Variants in ENTREP2 observed in about 807,000 individuals in gnomAD.
The protein encoded by ENTREP2 is endosomal transmembrane epsin interactor 2, also known as protein ENTREP2.
At chr15:29,259,170 G>A in the ENTREP2 span, among the ~76,000 whole-genome samples, 87,349 of 152,012 alleles carry the variant, frequency 0.57, 25,216 homozygotes, top group South Asian at 0.64. Context: ...CACACACAAT[G>A]AGGAATAAAA....
the ENTREP2 span, among the ~76,000 whole-genome samples, chr15:29,327,796 G>A: frequency 6.6e-6 from 1 of 152,184 alleles, no homozygotes. Context: ...AGTTGCTGAT[G>A]AGGATGCAAT....
chr15:29,220,336 G>A, the ENTREP2 span, among the ~76,000 whole-genome samples: 3 of 152,324 alleles, frequency 2.0e-5, no homozygotes, highest in East Asian at 1.9e-4. Context: ...TTCTGTCCAA[G>A]CTCATTAGAA....
chr15:29,230,491 C>T, the ENTREP2 span, among the ~76,000 whole-genome samples: 1 of 151,442 alleles, frequency 6.6e-6, no homozygotes, highest in Non-Finnish European at 1.5e-5. Context: ...TTAAACAATC[C>T]CCTAAATAAA....
At chr15:29,265,026 G>A in the ENTREP2 span, 1 of 151,962 alleles carries the variant, frequency 6.6e-6, no homozygotes, top group Non-Finnish European at 1.5e-5. Context: ...CATATTAGCA[G>A]GTAAATAAAG....
the ENTREP2 span, among the ~76,000 whole-genome samples, chr15:29,473,119 C>T: frequency 1.1e-3 from 162 of 152,188 alleles, no homozygotes; most frequent in South Asian, 0.011. Flanking sequence ...TTGGACAGGA[C>T]GGTGTTTTTC....
the ENTREP2 span, among the ~76,000 whole-genome samples, chr15:29,179,480 G>C: frequency 0.025 from 3,746 of 152,308 alleles, 140 homozygotes; most frequent in African/African-American, 0.086. Flanking sequence ...AAGGGGCATG[G>C]AATTGCCAGG....
At chr15:29,129,158 G>A in the ENTREP2 span, among the ~76,000 whole-genome samples, 1 of 152,206 alleles carries the variant, frequency 6.6e-6, no homozygotes, top group Non-Finnish European at 1.5e-5. Flanking sequence ...CCGCTGCCCG[G>A]ATTCAAGCGA....
the ENTREP2 span, chr15:29,570,579 C>T: frequency 5.4e-6 from 8 of 1,470,060 alleles, no homozygotes; most frequent in Non-Finnish European, 7.2e-6. Context: ...GCGAAGCTGA[C>T]TGCCACGATG....
At chr15:29,604,507 C>T in the ENTREP2 span, among the ~76,000 whole-genome samples, 1 of 152,074 alleles carries the variant, frequency 6.6e-6, no homozygotes, top group Non-Finnish European at 1.5e-5. Context: ...ACATATTATA[C>T]CAAGTAATTC....
the ENTREP2 span, among the ~76,000 whole-genome samples, chr15:29,446,687 C>A: frequency 3.3e-5 from 5 of 152,202 alleles, no homozygotes; most frequent in Non-Finnish European, 7.3e-5. Flanking sequence ...CTTAAAGCAA[C>A]ACAAATTTAT....
the ENTREP2 span, among the ~76,000 whole-genome samples, chr15:29,463,826 A>G: frequency 2.6e-4 from 40 of 152,330 alleles, no homozygotes; most frequent in African/African-American, 9.6e-4. Context: ...CAATGGCAGA[A>G]CAGATATACA....
At chr15:29,360,876 G>A in the ENTREP2 span, among the ~76,000 whole-genome samples, 11 of 152,334 alleles carry the variant, frequency 7.2e-5, no homozygotes, top group South Asian at 1.4e-3. Flanking sequence ...AGGCTGAGCC[G>A]CCTTGGGGCA....
chr15:29,515,636 TAA>T, the ENTREP2 span, among the ~76,000 whole-genome samples: 1 of 152,228 alleles, frequency 6.6e-6, no homozygotes, highest in Non-Finnish European at 1.5e-5. Context: ...ACCTTGACTG[TAA>T]TCCAGCGAGT....
the ENTREP2 span, chr15:29,269,259 G>A: frequency 6.2e-7 from 1 of 1,614,138 alleles, no homozygotes; most frequent in Non-Finnish European, 8.5e-7. Flanking sequence ...TGTAAGTGTT[G>A]CTCTTGGGTT....
the ENTREP2 span, among the ~76,000 whole-genome samples, chr15:29,517,716 C>T: frequency 6.6e-6 from 1 of 152,176 alleles, no homozygotes; most frequent in East Asian, 1.9e-4. Context: ...GTCGAAGTCC[C>T]GCTCACCAAT....
At chr15:29,321,921 G>A in the ENTREP2 span, among the ~76,000 whole-genome samples, 1 of 151,678 alleles carries the variant, frequency 6.6e-6, no homozygotes, top group Non-Finnish European at 1.5e-5. Context: ...AAACCACTAT[G>A]GCACACGTTT....
At chr15:29,549,518 C>T in the ENTREP2 span, among the ~76,000 whole-genome samples, 2 of 152,192 alleles carry the variant, frequency 1.3e-5, no homozygotes, top group East Asian at 1.9e-4. Context: ...GATCCGCCCG[C>T]CTCGGCCTCC....
At chr15:29,436,423 T>G in the ENTREP2 span, among the ~76,000 whole-genome samples, 1 of 152,164 alleles carries the variant, frequency 6.6e-6, no homozygotes, top group East Asian at 1.9e-4. Flanking sequence ...TTAAGAGAAC[T>G]TTTTATTCCC....
the ENTREP2 span, among the ~76,000 whole-genome samples, chr15:29,642,508 TCATATATA>T: frequency 1.6e-4 from 22 of 134,900 alleles, no homozygotes; most frequent in African/African-American, 5.6e-4. Context: ...CACATATATA[TCATATATA>T]CATATATACA....
Sources: gnomAD v4.1 joint callset for allele counts (sites outside exome capture counted in the v4.1 genomes callset) on GRCh38, gnomAD v4.1.1 for gene constraint, MANE v1.5 for transcripts, NCBI Gene and HGNC (gene_info 2026-07-23, HGNC 2026-07-21) for gene names.